Variants in ZYG11B observed in about 807,000 individuals in gnomAD.
ZYG11B encodes protein zyg-11 homolog B.
A neutral mutation model predicts 82.4 loss-of-function variants in ZYG11B; 36 were observed. The ratio of observed to expected loss-of-function variants is 0.44; its 90% CI spans 0.33 to 0.58. ZYG11B has a LOEUF of 0.58. ZYG11B is among the 20% of genes least tolerant of loss of function. The pLI is 0.02. For missense variants in ZYG11B, 552 were observed against 895.6 expected, an observed-to-expected ratio of 0.62 and a Z score of 4.90; for synonymous variants, 303 against 312.8, an observed-to-expected ratio of 0.97 and a Z score of 0.33.
chr1:52,813,407 A>G (rs1241917994), intron 10 of ZYG11B, 129 bp from the exon 11 acceptor site: 1 of 700,658 alleles, frequency 1.4e-6, no homozygotes, highest in Non-Finnish European at 2.3e-6. Context: ...TCATTTGAAT[A>G]CTTTCTCTCA....
At chr1:52,745,931 C>T (rs977790697) in intron 1 of ZYG11B, among the ~76,000 whole-genome samples, 1 of 150,524 alleles carries the variant, frequency 6.6e-6, no homozygotes, top group Non-Finnish European at 1.5e-5. Flanking sequence ...TGCAATGGTG[C>T]AAACAAGGGG....
intron 1 of ZYG11B, among the ~76,000 whole-genome samples, chr1:52,741,321 A>AAT (rs1644429467): frequency 8.0e-6 from 1 of 125,480 alleles, no homozygotes; most frequent in Non-Finnish European, 1.7e-5. Flanking sequence ...AAAAAAAAAG[A>AAT]AAAGAAAAGA....
chr1:52,771,676 G>A lies in ZYG11B; in HGVS notation c.853G>A (p.Glu285Lys), dbSNP rs1309858580. 1 of 1,614,204 alleles carries A rather than the reference G, an allele frequency of 6.2e-7. No individual in the cohort carries two copies. Among genetic ancestry groups the A allele is most frequent in the Admixed American group, 1.7e-5 (1 of 60,014 alleles). The stretch of plus-strand genomic sequence containing the variant: ...AAAGCACGTGACAGATAAAGCCGTT[G>A]AAGCCTTTATACAACAACGTCCAAG... ...GRKHVTDKAV[E>K]AFIQQRPSMQ... The change falls in exon 3 of 14, where the codon GAA becomes AAA. Residue 285 changes from glutamate (E) to lysine (K), a missense_variant. By Grantham distance (56) the Glu-to-Lys change is moderately conservative (BLOSUM62 1). Coordinates refer to ENST00000294353, the MANE Select transcript of ZYG11B (RefSeq NM_024646.3). This position sits in a 1 kb window ranked among gnomAD's most constrained non-coding sequence, Gnocchi z 5.4.
chr1:52,802,786 C>G (rs1472313078), intron 10 of ZYG11B, among the ~76,000 whole-genome samples: 4 of 151,794 alleles, frequency 2.6e-5, no homozygotes, highest in African/African-American at 2.4e-5. Context: ...TTTAAAAAGA[C>G]TATAAAAATA....
intron 1 of ZYG11B, among the ~76,000 whole-genome samples, chr1:52,739,722 A>C (rs1178033436): frequency 6.6e-6 from 1 of 151,978 alleles, no homozygotes; most frequent in Admixed American, 6.6e-5. Context: ...CCCAGGTTCA[A>C]GTGATTCTCC....
intron 1 of ZYG11B, among the ~76,000 whole-genome samples, chr1:52,728,635 A>C (rs961152851): frequency 4.6e-5 from 7 of 152,178 alleles, no homozygotes; most frequent in Non-Finnish European, 1.0e-4. Context: ...GAGCTATCCT[A>C]CCTAAGACAT....
chr1:52,811,105 C>A (rs1404440863), intron 10 of ZYG11B, among the ~76,000 whole-genome samples: 1 of 150,094 alleles, frequency 6.7e-6, no homozygotes, highest in Non-Finnish European at 1.5e-5. Flanking sequence ...TCTTTTCTTA[C>A]ATTTATTATC....
At chr1:52,726,805 C>A in intron 1 of ZYG11B, 122 bp downstream of exon 1, 2 of 952,164 alleles carry the variant, frequency 2.1e-6, no homozygotes, top group Non-Finnish European at 2.8e-6. Flanking sequence ...CCTGCCTTTA[C>A]CTCTCTCCCT....
chr1:52,772,434 A>G (rs1644760643), intron 3 of ZYG11B: 1 of 1,565,504 alleles, frequency 6.4e-7, no homozygotes, highest in Non-Finnish European at 8.8e-7. Flanking sequence ...AAGAATTCTT[A>G]AAATTTTATT....
intron 3 of ZYG11B, among the ~76,000 whole-genome samples, chr1:52,777,449 C>CT (rs1644819569): frequency 6.6e-6 from 1 of 151,890 alleles, no homozygotes; most frequent in African/African-American, 2.4e-5. Context: ...CGTTTATAGG[C>CT]TTTTTTGTTT....
At chr1:52,743,402 T>TAAAAAAAAAAAAA (rs71044414) in intron 1 of ZYG11B, among the ~76,000 whole-genome samples, 47 of 69,036 alleles carry the variant, frequency 6.8e-4, no homozygotes, top group African/African-American at 8.9e-4. Flanking sequence ...CAATAAATAC[T>TAAAAAAAAAAAAA]AAAAAAAAAA....
chr1:52,802,687 AAAAG>A (rs571593573), intron 10 of ZYG11B, among the ~76,000 whole-genome samples: 48 of 151,132 alleles, frequency 3.2e-4, no homozygotes, highest in Admixed American at 7.2e-4. Context: ...AATGAACAAA[AAAAG>A]AAAGAGAGAG....
intron 8 of ZYG11B, among the ~76,000 whole-genome samples, chr1:52,800,739 G>C (rs905405371): frequency 1.3e-5 from 2 of 152,050 alleles, no homozygotes; most frequent in African/African-American, 4.8e-5. Flanking sequence ...ACCCCGGGGG[G>C]GTGGAGGTCG....
At chr1:52,793,387 G>A (rs891072748) in intron 6 of ZYG11B, among the ~76,000 whole-genome samples, 7 of 152,036 alleles carry the variant, frequency 4.6e-5, no homozygotes, top group African/African-American at 1.4e-4. Flanking sequence ...GCGGCTCCTA[G>A]CTACTTAGGA....
chr1:52,755,314 C>T (rs979343759), intron 1 of ZYG11B, among the ~76,000 whole-genome samples: 3 of 151,918 alleles, frequency 2.0e-5, no homozygotes, highest in African/African-American at 4.8e-5. Context: ...CAATTGACCA[C>T]GAATGTAAGA....
At chr1:52,733,365 T>G (rs2149917308) in intron 1 of ZYG11B, among the ~76,000 whole-genome samples, 1 of 152,288 alleles carries the variant, frequency 6.6e-6, no homozygotes, top group East Asian at 1.9e-4. Flanking sequence ...ATATTTTTTG[T>G]ATAGTTTTTG....
chr1:52,750,298 G>C (rs547075466), intron 1 of ZYG11B, among the ~76,000 whole-genome samples: 25 of 147,934 alleles, frequency 1.7e-4, no homozygotes, highest in Non-Finnish European at 1.9e-4. Context: ...TTGAGACGGA[G>C]TTTCACTCTT....
At chr1:52,797,401 G>A (rs191947670) in intron 8 of ZYG11B, among the ~76,000 whole-genome samples, 10,175 of 63,126 alleles carry the variant, frequency 0.16, 1,250 homozygotes, top group East Asian at 0.44. Context: ...TATCATATAT[G>A]AAATATATAT....
chr1:52,745,587 T>C lies in ZYG11B; in HGVS notation c.31-10871T>C, dbSNP rs183588968. 8.2e-3 allele frequency among the ~76,000 whole-genome samples: 1,242 copies of C among 152,244 alleles called. 17 individuals are homozygous for C. In the Middle Eastern group the frequency reaches 0.13, roughly 15 times the overall value. On this transcript the variant is annotated intron_variant, in intron 1 of 13. Coordinates refer to ENST00000294353, the MANE Select transcript of ZYG11B (RefSeq NM_024646.3). ...TGGTTTTCTTTGTTTTTGTTTGTTA[T>C]GGAGTCTCACTCTGTTGCCCAGGCT...
Sources: gnomAD v4.1 joint callset for allele counts (sites outside exome capture counted in the v4.1 genomes callset) on GRCh38, gnomAD v4.1.1 for gene constraint, Gnocchi (gnomAD v3.1) non-coding constraint, MANE v1.5 for transcripts, NCBI Gene and HGNC (gene_info 2026-07-23, HGNC 2026-07-21) for gene names.